DRC8: variants seen among roughly 807,000 people sequenced by gnomAD.
The protein encoded by DRC8 is dynein regulatory complex subunit 8, also known as dynein regulatory complex protein 8.
At chr1:245,122,198 C>T in the DRC8 span, 3 of 216,578 alleles carry the variant, frequency 1.4e-5, no homozygotes, top group East Asian at 3.0e-4. Context: ...CCACCGCACC[C>T]GGCTGCTTCC....
chr1:245,006,295 G>T, the DRC8 span, among the ~76,000 whole-genome samples: 1 of 119,230 alleles, frequency 8.4e-6, no homozygotes, highest in African/African-American at 3.2e-5. Context: ...TTAGCTGGAA[G>T]TGATGAGTGT....
chr1:244,977,802 G>A, the DRC8 span, among the ~76,000 whole-genome samples: 1 of 152,028 alleles, frequency 6.6e-6, no homozygotes, highest in Non-Finnish European at 1.5e-5. Context: ...TCAACATAAA[G>A]TTATCTATAA....
the DRC8 span, among the ~76,000 whole-genome samples, chr1:245,089,281 A>G: frequency 3.3e-5 from 5 of 152,160 alleles, no homozygotes; most frequent in African/African-American, 7.2e-5. This position sits in a 1 kb window ranked among gnomAD's most constrained non-coding sequence, Gnocchi z 4.8. Flanking sequence ...TCAATAATCA[A>G]TTGGATATAG....
the DRC8 span, among the ~76,000 whole-genome samples, chr1:245,078,469 A>G: frequency 6.6e-6 from 1 of 151,806 alleles, no homozygotes; most frequent in Non-Finnish European, 1.5e-5. Context: ...GTACACACAC[A>G]CACACGTATG....
the DRC8 span, among the ~76,000 whole-genome samples, chr1:244,987,521 T>C: frequency 6.6e-6 from 1 of 152,078 alleles, no homozygotes; most frequent in African/African-American, 2.4e-5. Context: ...TTAAGCCTAG[T>C]GTTTTGGTGG....
the DRC8 span, among the ~76,000 whole-genome samples, chr1:245,027,338 G>A: frequency 6.6e-6 from 1 of 151,990 alleles, no homozygotes; most frequent in African/African-American, 2.4e-5. Flanking sequence ...GGAAATTAAT[G>A]AGAAAGGAAG....
chr1:245,014,223 T>C, the DRC8 span, among the ~76,000 whole-genome samples: 11 of 150,584 alleles, frequency 7.3e-5, 1 homozygote, highest in South Asian at 2.1e-3. Context: ...ACAACTGACC[T>C]GGAAAATTGT....
the DRC8 span, among the ~76,000 whole-genome samples, chr1:244,981,381 C>T: frequency 8.7e-4 from 133 of 152,242 alleles, 1 homozygote; most frequent in Non-Finnish European, 1.6e-3. Flanking sequence ...ATGAAGGAAG[C>T]ACTTAAAAAT....
At chr1:245,036,801 C>A in the DRC8 span, among the ~76,000 whole-genome samples, 4 of 152,154 alleles carry the variant, frequency 2.6e-5, no homozygotes, top group Non-Finnish European at 5.9e-5. Flanking sequence ...TGTAGACACA[C>A]AGATCAGTGG....
chr1:245,025,948 A>G, the DRC8 span, among the ~76,000 whole-genome samples: 216 of 152,246 alleles, frequency 1.4e-3, 1 homozygote, highest in Middle Eastern at 0.01. Flanking sequence ...GGAACTGTGA[A>G]TCCATGAAGC....
At chr1:245,082,829 C>T in the DRC8 span, among the ~76,000 whole-genome samples, 279 of 152,152 alleles carry the variant, frequency 1.8e-3, no homozygotes, top group Non-Finnish European at 2.6e-3. Context: ...CTCAGCCTCC[C>T]GAGTAGCTGG....
the DRC8 span, among the ~76,000 whole-genome samples, chr1:245,056,517 G>A: frequency 6.6e-6 from 1 of 152,206 alleles, no homozygotes; most frequent in East Asian, 1.9e-4. Flanking sequence ...TCTCTTCTCA[G>A]TCTGACTCCA....
At chr1:245,006,531 C>T in the DRC8 span, among the ~76,000 whole-genome samples, 1 of 152,102 alleles carries the variant, frequency 6.6e-6, no homozygotes, top group African/African-American at 2.4e-5. Flanking sequence ...TTTCAAACTC[C>T]TGATGTCAAG....
At chr1:245,019,349 G>T in the DRC8 span, among the ~76,000 whole-genome samples, 1 of 152,062 alleles carries the variant, frequency 6.6e-6, no homozygotes, top group Non-Finnish European at 1.5e-5. Flanking sequence ...AGTTTATAAT[G>T]AATGTTCTCA....
At chr1:244,975,212 G>A in the DRC8 span, among the ~76,000 whole-genome samples, 120 of 152,190 alleles carry the variant, frequency 7.9e-4, 2 homozygotes, top group East Asian at 0.02. Context: ...TTACAGGCGT[G>A]AGCCACCACG....
At chr1:245,058,392 C>A in the DRC8 span, among the ~76,000 whole-genome samples, 3 of 152,194 alleles carry the variant, frequency 2.0e-5, no homozygotes, top group Non-Finnish European at 1.5e-5. Flanking sequence ...TGAAAAGAAT[C>A]CTATATTCCA....
the DRC8 span, among the ~76,000 whole-genome samples, chr1:245,077,390 T>C: frequency 2.0e-5 from 3 of 152,192 alleles, no homozygotes; most frequent in Admixed American, 6.5e-5. Context: ...TATATTAATA[T>C]TGATTCATTA....
At chr1:245,083,688 GGTAA>G in the DRC8 span, 1 of 1,605,968 alleles carries the variant, frequency 6.2e-7, no homozygotes. Context: ...GACTGAAGAA[GGTAA>G]GTGTGATTTA....
At chr1:244,979,121 A>G in the DRC8 span, among the ~76,000 whole-genome samples, 1 of 151,314 alleles carries the variant, frequency 6.6e-6, no homozygotes, top group African/African-American at 2.4e-5. Flanking sequence ...TTCATACTAT[A>G]TTTTGTAATT....
Sources: allele counts gnomAD v4.1 joint callset (sites outside exome capture counted in the v4.1 genomes callset), GRCh38; gene constraint gnomAD v4.1.1; non-coding constraint Gnocchi (gnomAD v3.1); transcripts MANE v1.5; gene names NCBI Gene and HGNC (gene_info 2026-07-23, HGNC 2026-07-21).